Variants in HUNK observed in about 807,000 individuals in gnomAD.
HUNK encodes hormonally up-regulated Neu-associated kinase, also known as hormonally up-regulated neu tumor-associated kinase.
A neutral mutation model predicts 61.0 loss-of-function variants in HUNK; 21 were observed. The observed-to-expected ratio is 0.34, with a 90% confidence interval of 0.24 to 0.50. The LOEUF is 0.50. HUNK is among the 20% of genes least tolerant of loss of function. The pLI, the probability that HUNK is intolerant of heterozygous loss-of-function variation, is 0.98. For synonymous variants in HUNK, 371 were observed against 386.1 expected (o/e 0.96, Z 0.46); for missense variants, 772 against 945.7 (o/e 0.82, Z 2.41).
intron 1 of HUNK, among the ~76,000 whole-genome samples, chr21:31,885,700 C>A (rs1399462388): frequency 6.6e-6 from 1 of 152,082 alleles, no homozygotes; most frequent in African/African-American, 2.4e-5. Flanking sequence ...CTGCCCTCCA[C>A]GTGTGTCTGT....
intron 1 of HUNK, among the ~76,000 whole-genome samples, chr21:31,881,526 G>C (rs1014976474): frequency 6.6e-6 from 1 of 152,110 alleles, no homozygotes; most frequent in African/African-American, 2.4e-5. Flanking sequence ...GGGAGGCTGA[G>C]GCAGGAGAGT....
intron 1 of HUNK, among the ~76,000 whole-genome samples, chr21:31,896,246 C>T (rs1410092961): frequency 2.0e-5 from 3 of 152,200 alleles, no homozygotes; most frequent in Non-Finnish European, 4.4e-5. Context: ...CCAACTAATA[C>T]ACTCTTCATA....
rs2053261945 is a variant in HUNK, at chr21:32,003,944, A to G, written c.*4760A>G. ...ATTTGGGGCAACCAATTTTGGAAGG[A>G]TAGAATAGCTTTATGTGGAGCAAAC... On this transcript the variant is annotated 3_prime_UTR_variant, in exon 11 of 11. Transcript: ENST00000270112. The G allele has an allele frequency of 6.6e-6, 1 of 152,184 alleles. No individual in the cohort carries two copies. The highest frequency in any genetic ancestry group is 2.4e-5 in the African/African-American group (1 of 41,436). 9.4% of individuals were successfully genotyped at this position (152,184 alleles called of 1,614,324 possible).
chr21:31,917,211 G>A lies in HUNK; in HGVS notation c.262-7257G>A, dbSNP rs558174098. On this transcript the variant is annotated intron_variant, in intron 1 of 10. Coordinates refer to ENST00000270112, the MANE Select transcript of HUNK (RefSeq NM_014586.2). ...AATGCTTTCTGTTTTTCCTTTTTCT[G>A]AGACAGGGTCTCACTCTGTCGCCCA... is the stretch of plus-strand genomic sequence containing the variant. Among the ~76,000 whole-genome samples the A allele has an allele frequency of 1.1e-3, 162 of 152,136 alleles. 3 individuals carry two copies. In the South Asian group the frequency reaches 0.031, roughly 29 times the overall value.
chr21:31,919,641 A>G (rs2052610066), intron 1 of HUNK, among the ~76,000 whole-genome samples: 1 of 152,226 alleles, frequency 6.6e-6, no homozygotes. Flanking sequence ...ATGGAGGTGC[A>G]AAACCCTGAT....
intron 8 of HUNK, among the ~76,000 whole-genome samples, chr21:31,989,886 C>G (rs1456082119): frequency 1.3e-5 from 2 of 151,988 alleles, no homozygotes; most frequent in Admixed American, 6.6e-5. Flanking sequence ...GCTGACTTAT[C>G]ATTAGAGCAC....
intron 2 of HUNK, among the ~76,000 whole-genome samples, chr21:31,929,891 G>A (rs1439765482): frequency 1.3e-5 from 2 of 152,236 alleles, no homozygotes; most frequent in East Asian, 1.9e-4. Flanking sequence ...CACAACCTGT[G>A]CTGGTTAGGG....
intron 5 of HUNK, among the ~76,000 whole-genome samples, chr21:31,960,058 A>G (rs1465497903): frequency 6.6e-6 from 1 of 152,192 alleles, no homozygotes; most frequent in Admixed American, 6.5e-5. Context: ...TGTCAAACCA[A>G]TTGTCATATT....
chr21:31,979,814 T>C (rs1458636629), intron 7 of HUNK, among the ~76,000 whole-genome samples: 1 of 152,060 alleles, frequency 6.6e-6, no homozygotes, highest in Admixed American at 6.5e-5. Flanking sequence ...CACGCCCAGC[T>C]GCATTCTTTA....
At chr21:31,886,771 G>A (rs944729649) in intron 1 of HUNK, among the ~76,000 whole-genome samples, 3 of 151,816 alleles carry the variant, frequency 2.0e-5, no homozygotes, top group African/African-American at 4.8e-5. Context: ...TCAGCCTCTC[G>A]AGTAGCTGAG....
intron 1 of HUNK, among the ~76,000 whole-genome samples, chr21:31,875,568 G>A (rs749937994): frequency 2.0e-5 from 3 of 152,138 alleles, no homozygotes; most frequent in Non-Finnish European, 2.9e-5. Context: ...TCCTCGATTC[G>A]ATTCGATTCG....
intron 4 of HUNK, among the ~76,000 whole-genome samples, chr21:31,956,974 T>G (rs1407757925): frequency 6.6e-6 from 1 of 152,284 alleles, no homozygotes; most frequent in Middle Eastern, 3.4e-3. Context: ...TTATGCACTT[T>G]TTATCTCTCC....
At chr21:31,903,115 T>C (rs2123800743) in intron 1 of HUNK, among the ~76,000 whole-genome samples, 1 of 152,258 alleles carries the variant, frequency 6.6e-6, no homozygotes, top group Non-Finnish European at 1.5e-5. Context: ...GCTCCATTAA[T>C]GTTGATGAAA....
intron 3 of HUNK, among the ~76,000 whole-genome samples, chr21:31,942,482 G>A (rs2052775688): frequency 6.6e-6 from 1 of 152,166 alleles, no homozygotes; most frequent in Non-Finnish European, 1.5e-5. Context: ...TGCTGCAATC[G>A]GTGGATGCAT....
At chr21:31,965,033 G>GC (rs2052953596) in intron 5 of HUNK, among the ~76,000 whole-genome samples, 1 of 152,044 alleles carries the variant, frequency 6.6e-6, no homozygotes, top group African/African-American at 2.4e-5. Flanking sequence ...TTTTTTATCT[G>GC]ACCAATAGAT....
intron 1 of HUNK, among the ~76,000 whole-genome samples, chr21:31,885,456 G>A (rs1490687686): frequency 6.6e-6 from 1 of 152,166 alleles, no homozygotes; most frequent in East Asian, 1.9e-4. Context: ...CCTTCACTCT[G>A]CTTTGTCCCT....
chr21:31,985,903 C>T (rs2053129466), intron 8 of HUNK, among the ~76,000 whole-genome samples: 1 of 152,156 alleles, frequency 6.6e-6, no homozygotes, highest in Non-Finnish European at 1.5e-5. Flanking sequence ...CAAGGCCAGG[C>T]AGGAATGGTG....
chr21:31,916,860 A>G (rs537982756), intron 1 of HUNK, among the ~76,000 whole-genome samples: 8 of 151,662 alleles, frequency 5.3e-5, no homozygotes, highest in Middle Eastern at 6.8e-3. Flanking sequence ...TATTTTTAGT[A>G]GAGATGGGGT....
rs2053240343 is a variant in HUNK at position 32,000,738 on chromosome 21, G to A, written c.*1554G>A. On this transcript the variant is annotated 3_prime_UTR_variant, in exon 11 of 11. Coordinates refer to ENST00000270112, the MANE Select transcript of HUNK (RefSeq NM_014586.2). ...TGGCAGGCAGCCTTGCCAGAAGGCA[G>A]AGAGGCAGTTCTGAATCATTCTCTC... The A allele has an allele frequency of 2.5e-6, 1 of 398,680 alleles. No homozygotes were observed. The highest frequency in any genetic ancestry group is 4.4e-6 in the Non-Finnish European group (1 of 226,090). 24.7% of individuals were successfully genotyped at this position (398,680 alleles called of 1,614,324 possible).
Sources: allele counts gnomAD v4.1 joint callset (sites outside exome capture counted in the v4.1 genomes callset), GRCh38; gene constraint gnomAD v4.1.1; transcripts MANE v1.5; gene names NCBI Gene and HGNC (gene_info 2026-07-23, HGNC 2026-07-21).